Variants in DMD observed in about 807,000 individuals in gnomAD.
DMD encodes the protein dystrophin, also known as mutant dystrophin.
A neutral mutation model predicts 330.1 loss-of-function variants in DMD; 63 were observed. The ratio of observed to expected loss-of-function variants is 0.19; its 90% CI spans 0.16 to 0.24. The LOEUF is 0.24. Ranked by LOEUF, DMD falls within the 10% of genes least tolerant of loss-of-function variation. DMD has a pLI of 1.00. For missense variants in DMD, 3,344 were observed against 2,684.1 expected, an observed-to-expected ratio of 1.25 and a Z score of -5.43; for synonymous variants, 1,223 against 959.8, an observed-to-expected ratio of 1.27 and a Z score of -5.07.
intron 1 of DMD, among the ~76,000 whole-genome samples, chrX:33,178,994 C>G (rs961738080): frequency 8.9e-6 from 1 of 111,777 alleles, no homozygotes; most frequent in African/African-American, 3.3e-5. Flanking sequence ...ATGCCTTTAG[C>G]CTTTAAATAA....
At chrX:32,879,115 C>G (rs1403662687) in intron 2 of DMD, among the ~76,000 whole-genome samples, 2 of 111,261 alleles carry the variant, frequency 1.8e-5, no homozygotes, top group African/African-American at 6.5e-5. Context: ...TGTATCAAGC[C>G]TTTTTATTCC....
At chrX:31,919,220 T>A (rs185658067) in intron 47 of DMD, among the ~76,000 whole-genome samples, 224 of 111,991 alleles carry the variant, frequency 2.0e-3, no homozygotes, top group African/African-American at 6.9e-3. Flanking sequence ...TGGTCTAAAA[T>A]TTGTCACAAA....
intron 44 of DMD, among the ~76,000 whole-genome samples, chrX:32,189,861 A>G (rs1319106167): frequency 9.9e-5 from 11 of 111,226 alleles, no homozygotes; most frequent in Non-Finnish European, 1.7e-4. Context: ...CATAGCACTT[A>G]TCATACTGTA....
chrX:31,309,119 G>C (rs2055276616), intron 62 of DMD, among the ~76,000 whole-genome samples: 1 of 111,713 alleles, frequency 9.0e-6, no homozygotes, highest in Non-Finnish European at 1.9e-5. Context: ...AAATGATCAA[G>C]TATTTATTAT....
At chrX:31,313,595 T>C (rs1168276349) in intron 62 of DMD, among the ~76,000 whole-genome samples, 1 of 111,685 alleles carries the variant, frequency 9.0e-6, no homozygotes, top group African/African-American at 3.3e-5. Context: ...TGCATAGTGG[T>C]GAACCTGGGC....
intron 2 of DMD, among the ~76,000 whole-genome samples, chrX:32,874,771 C>T (rs1233119974): frequency 9.0e-6 from 1 of 111,519 alleles, no homozygotes; most frequent in Non-Finnish European, 1.9e-5. Flanking sequence ...TTAGAATACT[C>T]ACTCTGGGAG....
chrX:32,568,007 G>T (rs808573), intron 15 of DMD, among the ~76,000 whole-genome samples: 1 of 110,959 alleles, frequency 9.0e-6, no homozygotes, highest in Admixed American at 9.5e-5. Context: ...AAGGCTGAAT[G>T]GTCTACCCAT....
intron 1 of DMD, among the ~76,000 whole-genome samples, chrX:33,248,158 C>T (rs913850607): frequency 6.3e-5 from 7 of 110,917 alleles, no homozygotes; most frequent in African/African-American, 2.3e-4. Flanking sequence ...TCTCCTGCCT[C>T]AGCCTCCCCA....
chrX:32,525,330 T>C (rs1473538309), intron 17 of DMD, among the ~76,000 whole-genome samples: 1 of 111,491 alleles, frequency 9.0e-6, no homozygotes, highest in African/African-American at 3.3e-5. Context: ...ACTAGCATTG[T>C]TTTCTCTCCA....
At chrX:32,642,367 A>T (rs1271384454) in intron 11 of DMD, among the ~76,000 whole-genome samples, 2 of 112,268 alleles carry the variant, frequency 1.8e-5, no homozygotes, top group Non-Finnish European at 3.8e-5. Flanking sequence ...TGCCTTCTTA[A>T]TAATTATTCT....
chrX:31,126,523 T>C lies in DMD; in HGVS notation c.11046+119A>G, dbSNP rs72466532. 4,244 of 610,264 alleles carry C rather than the reference T, an allele frequency of 7.0e-3. 89 individuals are homozygous for C. Among genetic ancestry groups the C allele is most frequent in the African/African-American group, 0.065 (2,980 of 45,509 alleles). The allele number at this position is 610,264 out of a possible 1,213,427, so 50.3% of individuals were successfully genotyped here. ...AGAGGTGACTACCATCCTTACATGA[T>C]GACACAATGTGTAATACACACATGC... is the stretch of plus-strand genomic sequence containing the variant. On this transcript the variant is annotated intron_variant, in intron 78 of 78. Transcript: ENST00000357033.
chrX:32,582,917 T>C (rs1242697571), intron 13 of DMD, among the ~76,000 whole-genome samples: 3 of 111,430 alleles, frequency 2.7e-5, no homozygotes, highest in African/African-American at 9.8e-5. Flanking sequence ...ATGTAATTGT[T>C]AATGATAGCA....
At chrX:31,880,417 A>C (rs1459616708) in intron 47 of DMD, among the ~76,000 whole-genome samples, 3 of 112,106 alleles carry the variant, frequency 2.7e-5, no homozygotes, top group Non-Finnish European at 5.6e-5. Context: ...TAATGAGTAA[A>C]AAAAGGAAAA....
At chrX:32,211,682 T>C (rs923073038) in intron 44 of DMD, among the ~76,000 whole-genome samples, 11 of 112,165 alleles carry the variant, frequency 9.8e-5, no homozygotes, top group African/African-American at 3.2e-4. Flanking sequence ...CTACTGTTAA[T>C]GTCTTAAGGT....
chrX:31,182,768 A>T lies in DMD; in HGVS notation c.9944T>A (p.Ile3315Asn). The change falls in exon 68 of 79, where the codon ATC becomes AAC. Residue 3315 changes from isoleucine (I) to asparagine (N), a missense_variant. Physicochemically the swap from Ile to Asn is moderately radical, Grantham distance 149. Coordinates refer to ENST00000357033, the MANE Select transcript of DMD (RefSeq NM_004006.3). ...TCCAATGATTGGACACTCTTTGCAG[A>T]TGTTACATTTGGCCTGATGCTTGGC... ...ETAKHQAKCN[I>N]CKECPIIGFR... 8.3e-7 allele frequency: 1 copy of T among 1,209,816 alleles called. No homozygotes were observed. The highest frequency in any genetic ancestry group is 1.1e-6 in the Non-Finnish European group (1 of 894,765).
intron 62 of DMD, among the ~76,000 whole-genome samples, chrX:31,320,167 C>T (rs180872503): frequency 1.8e-5 from 2 of 112,184 alleles, no homozygotes; most frequent in African/African-American, 3.2e-5. Flanking sequence ...TAGACAAACA[C>T]GTAGTTTGAA....
At chrX:32,023,074 G>A (rs980307924) in intron 44 of DMD, among the ~76,000 whole-genome samples, 7 of 110,577 alleles carry the variant, frequency 6.3e-5, no homozygotes, top group African/African-American at 1.3e-4. Context: ...CTCATGATCC[G>A]CCCGCCTCGG....
intron 7 of DMD, among the ~76,000 whole-genome samples, chrX:32,735,271 C>T (rs1319172537): frequency 1.8e-5 from 2 of 110,052 alleles, no homozygotes; most frequent in African/African-American, 3.4e-5. Context: ...AAAGAGGATA[C>T]AAACAAATGG....
At chrX:31,847,219 A>G (rs1196415340) in intron 48 of DMD, among the ~76,000 whole-genome samples, 1 of 111,620 alleles carries the variant, frequency 9.0e-6, no homozygotes, top group Non-Finnish European at 1.9e-5. Flanking sequence ...GACATAGTAC[A>G]GATTTTAAGT....
Sources: gnomAD v4.1 joint callset for allele counts (sites outside exome capture counted in the v4.1 genomes callset) on GRCh38, gnomAD v4.1.1 for gene constraint, MANE v1.5 for transcripts, NCBI Gene and HGNC (gene_info 2026-07-23, HGNC 2026-07-21) for gene names.